Variants in MGAT4C observed in about 807,000 individuals in gnomAD.
The protein encoded by MGAT4C is MGAT4 family member C.
Under a neutral mutation model 40.1 loss-of-function variants are expected in MGAT4C, and 19 were observed. That is an observed-to-expected ratio of 0.47 (90% CI 0.33 to 0.70). The LOEUF is 0.70. MGAT4C is among the 30% of genes least tolerant of loss of function. MGAT4C has a pLI of 0.02. For missense variants in MGAT4C, 491 were observed against 563.2 expected, an observed-to-expected ratio of 0.87 and a Z score of 1.30; for synonymous variants, 181 against 187.1, an observed-to-expected ratio of 0.97 and a Z score of 0.27.
At chr12:86,450,075 T>G (rs1452143818) in intron 2 of MGAT4C, among the ~76,000 whole-genome samples, 1 of 152,130 alleles carries the variant, frequency 6.6e-6, no homozygotes, top group Non-Finnish European at 1.5e-5. Context: ...TGTATCTCAT[T>G]TTTGCCCTAT....
chr12:86,268,584 G>C (rs1172124221), intron 4 of MGAT4C, among the ~76,000 whole-genome samples: 1 of 147,118 alleles, frequency 6.8e-6, no homozygotes, highest in Non-Finnish European at 1.5e-5. Flanking sequence ...TTAGTAAAGA[G>C]AAGATACAAC....
At chr12:86,443,708 C>T (rs1166102174) in intron 2 of MGAT4C, among the ~76,000 whole-genome samples, 1 of 152,206 alleles carries the variant, frequency 6.6e-6, no homozygotes, top group Non-Finnish European at 1.5e-5. Context: ...ATTCTCCCGC[C>T]TCAGCCTCCC....
At chr12:86,164,740 GAA>G (rs1359915534) in intron 1 of MGAT4C, among the ~76,000 whole-genome samples, 2 of 151,950 alleles carry the variant, frequency 1.3e-5, no homozygotes, top group African/African-American at 4.8e-5. Context: ...TTGGGGATTT[GAA>G]AAAAATGCTA....
At chr12:86,208,123 C>T (rs1025821740) in intron 1 of MGAT4C, among the ~76,000 whole-genome samples, 3 of 152,144 alleles carry the variant, frequency 2.0e-5, no homozygotes, top group Non-Finnish European at 4.4e-5. Context: ...ATCCAGATGG[C>T]CTAATCACAG....
intron 1 of MGAT4C, among the ~76,000 whole-genome samples, chr12:86,831,643 A>C (rs988358356): frequency 1.3e-5 from 2 of 151,870 alleles, no homozygotes; most frequent in African/African-American, 2.4e-5. Context: ...CAGGTGTCCA[A>C]ATAAAAATAG....
At chr12:86,406,617 G>A (rs899240970) in intron 3 of MGAT4C, among the ~76,000 whole-genome samples, 1 of 151,916 alleles carries the variant, frequency 6.6e-6, no homozygotes, top group African/African-American at 2.4e-5. Flanking sequence ...AATAGCAAAA[G>A]TTGGTGAGAA....
chr12:86,383,466 C>A (rs866882051), intron 3 of MGAT4C, among the ~76,000 whole-genome samples: 1 of 140,852 alleles, frequency 7.1e-6, no homozygotes, highest in Non-Finnish European at 1.5e-5. Context: ...GCAGGAGAAT[C>A]GCTTGAACCT....
chr12:86,087,097 T>C lies in MGAT4C; in HGVS notation c.-56-37374A>G, dbSNP rs1871997589. Among the ~76,000 whole-genome samples the C allele has an allele frequency of 1.3e-5, 2 of 152,080 alleles. 1 individual carries two copies. The highest frequency in any genetic ancestry group is 4.1e-4 in the South Asian group (2 of 4,832). On this transcript the variant is annotated intron_variant, in intron 1 of 4. Coordinates refer to ENST00000611864, the MANE Select transcript of MGAT4C (RefSeq NM_001351288.2). ...CTGATGGACACTTAGGTTGATTCCA[T>C]ATCTTGGCTATTGTGGCTAGTGCTG... is the stretch of plus-strand genomic sequence containing the variant.
intron 1 of MGAT4C, among the ~76,000 whole-genome samples, chr12:86,796,086 T>C (rs978477308): frequency 4.6e-5 from 7 of 151,702 alleles, no homozygotes; most frequent in East Asian, 1.9e-4. Flanking sequence ...AATTCTGATA[T>C]AGAGAAAAGT....
intron 2 of MGAT4C, among the ~76,000 whole-genome samples, chr12:86,031,818 T>A (rs1300402720): frequency 6.6e-6 from 1 of 151,922 alleles, no homozygotes; most frequent in Non-Finnish European, 1.5e-5. Context: ...GTCTTATAGG[T>A]AAATTGTGTG....
At chr12:86,160,624 T>G (rs1270012396) in intron 1 of MGAT4C, among the ~76,000 whole-genome samples, 3 of 152,036 alleles carry the variant, frequency 2.0e-5, no homozygotes, top group African/African-American at 4.8e-5. Context: ...GTCTAGAGTT[T>G]CCTTGTTAGT....
chr12:86,176,424 T>A (rs1342343621), intron 1 of MGAT4C, among the ~76,000 whole-genome samples: 1 of 152,186 alleles, frequency 6.6e-6, no homozygotes, highest in Non-Finnish European at 1.5e-5. Context: ...AGGGAGTCCC[T>A]GTGCATACAT....
intron 2 of MGAT4C, among the ~76,000 whole-genome samples, chr12:86,473,150 T>A (rs1042762293): frequency 1.3e-5 from 2 of 151,934 alleles, no homozygotes; most frequent in African/African-American, 4.8e-5. Flanking sequence ...AGAGGCAGGG[T>A]TTCATCATGT....
intron 4 of MGAT4C, among the ~76,000 whole-genome samples, chr12:86,298,652 T>G (rs1953737909): frequency 6.6e-6 from 1 of 152,176 alleles, no homozygotes; most frequent in Non-Finnish European, 1.5e-5. Flanking sequence ...AAAATTGTTT[T>G]GGAGAAATTT....
Position 85,980,394 on chromosome 12 carries a change from T to C in MGAT4C, c.332A>G (p.Lys111Arg), listed in dbSNP as rs940530815. The change falls in exon 5 of 5, where the codon AAA becomes AGA. Residue 111 changes from lysine to arginine, a missense_variant. By Grantham distance (26) the Lys-to-Arg change is conservative. Coordinates refer to ENST00000611864, the MANE Select transcript of MGAT4C (RefSeq NM_001351288.2). ...LTIGLSSVKR[K>R]KGNYLLETIK... is the part of the protein sequence containing the mutation. ...TGTCTCAAGTAAATAGTTTCCTTTT[T>C]TTCGCTTTACTGAAGAAAGTCCAAT... The C allele has an allele frequency of 3.1e-6, 5 of 1,607,106 alleles. No homozygotes were observed. The highest frequency in any genetic ancestry group is 2.2e-5 in the South Asian group (2 of 89,944).
At chr12:86,068,606 A>G (rs1423735334) in intron 1 of MGAT4C, 2 of 149,664 alleles carry the variant, frequency 1.3e-5, no homozygotes, top group Non-Finnish European at 3.0e-5. Flanking sequence ...TATATTATAT[A>G]TATATATTTA....
At chr12:86,670,805 T>C (rs1964237404) in intron 2 of MGAT4C, among the ~76,000 whole-genome samples, 1 of 152,158 alleles carries the variant, frequency 6.6e-6, no homozygotes, top group African/African-American at 2.4e-5. Flanking sequence ...ATCTTAACCC[T>C]TTTCCCATTT....
chr12:86,168,219 T>C (rs1158948419), intron 1 of MGAT4C, among the ~76,000 whole-genome samples: 3 of 152,178 alleles, frequency 2.0e-5, no homozygotes, highest in East Asian at 1.9e-4. Flanking sequence ...TGTGCGCATA[T>C]AGCACAAGTC....
intron 2 of MGAT4C, among the ~76,000 whole-genome samples, chr12:86,456,250 A>C (rs1957509873): frequency 6.6e-6 from 1 of 152,118 alleles, no homozygotes; most frequent in South Asian, 2.1e-4. Context: ...CATCATCATC[A>C]TCATGATGTT....
Sources: allele counts gnomAD v4.1 joint callset (sites outside exome capture counted in the v4.1 genomes callset), GRCh38; gene constraint gnomAD v4.1.1; transcripts MANE v1.5; gene names NCBI Gene and HGNC (gene_info 2026-07-23, HGNC 2026-07-21).